Variants in MAPK10 observed in about 807,000 individuals in gnomAD.
The protein encoded by MAPK10 is mitogen-activated protein kinase 10.
In MAPK10, 25 loss-of-function variants were observed where a neutral mutation model predicts 59.3. That is an observed-to-expected ratio of 0.42 (90% CI 0.31 to 0.59). MAPK10 has a LOEUF of 0.59. MAPK10 is among the 20% of genes least tolerant of loss of function. MAPK10 has a pLI of 0.15. For missense variants in MAPK10, 351 were observed against 568.9 expected, an observed-to-expected ratio of 0.62 and a Z score of 3.90; for synonymous variants, 190 against 200.5, an observed-to-expected ratio of 0.95 and a Z score of 0.44.
chr4:86,503,529 C>G (rs1437931802), intron 1 of MAPK10, among the ~76,000 whole-genome samples: 1 of 152,044 alleles, frequency 6.6e-6, no homozygotes, highest in East Asian at 1.9e-4. Context: ...GTGCACACTC[C>G]TTAGTAACCT....
At chr4:86,532,956 TA>T (rs1757951768) in intron 1 of MAPK10, among the ~76,000 whole-genome samples, 1 of 152,180 alleles carries the variant, frequency 6.6e-6, no homozygotes, top group Admixed American at 6.5e-5. Flanking sequence ...CTACCTCTAC[TA>T]ATGACTTTGC....
intron 1 of MAPK10, among the ~76,000 whole-genome samples, chr4:86,421,902 T>A (rs968326974): frequency 6.6e-6 from 1 of 152,098 alleles, no homozygotes; most frequent in Non-Finnish European, 1.5e-5. Context: ...TTTGTTCCCA[T>A]CAGGTGCCAC....
chr4:86,410,211 T>G (rs1251308896), intron 1 of MAPK10, among the ~76,000 whole-genome samples: 1 of 152,252 alleles, frequency 6.6e-6, no homozygotes, highest in Non-Finnish European at 1.5e-5. Context: ...GTTTAGTGAT[T>G]TGCATTTGTT....
chr4:86,418,942 G>A (rs1353910874), intron 1 of MAPK10, among the ~76,000 whole-genome samples: 1 of 152,154 alleles, frequency 6.6e-6, no homozygotes, highest in Non-Finnish European at 1.5e-5. Flanking sequence ...ATATCATATG[G>A]GAGCTAAGCT....
chr4:86,544,881 C>CT (rs57179485), intron 1 of MAPK10, among the ~76,000 whole-genome samples: 1,635 of 139,080 alleles, frequency 0.012, 28 homozygotes, highest in African/African-American at 0.029. Flanking sequence ...AGGTTTTTTT[C>CT]TTTTTTTTTT....
intron 2 of MAPK10, among the ~76,000 whole-genome samples, chr4:86,253,385 C>T (rs182283146): frequency 1.7e-5 from 2 of 117,604 alleles, no homozygotes; most frequent in South Asian, 2.6e-4. Flanking sequence ...TAGCATGAAG[C>T]GTTGTTGAAT....
chr4:86,568,599 A>G lies in MAPK10; in HGVS notation c.-263+25311T>C, dbSNP rs12639958. Among the ~76,000 whole-genome samples the G allele has an allele frequency of 4.3e-4, 66 of 152,304 alleles. No individual in the cohort carries two copies. In the East Asian group the frequency reaches 0.011, roughly 26 times the overall value. On this transcript the variant is annotated intron_variant, in intron 1 of 4. Coordinates refer to the MAPK10 transcript ENST00000502302. Reference sequence around the variant, plus strand: ...GTGGTACTAGTATAAAAATGGACACACAGATCAATGAGACAGAATAGAGAA... The same window carrying G: ...GTGGTACTAGTATAAAAATGGACACGCAGATCAATGAGACAGAATAGAGAA...
intron 4 of MAPK10, among the ~76,000 whole-genome samples, chr4:86,128,282 A>G (rs553087490): frequency 2.6e-5 from 4 of 152,130 alleles, no homozygotes; most frequent in African/African-American, 7.2e-5. Flanking sequence ...AAGTATTACT[A>G]TTGATATGGT....
chr4:86,570,162 G>A (rs1324138570), intron 1 of MAPK10, among the ~76,000 whole-genome samples: 1 of 152,106 alleles, frequency 6.6e-6, no homozygotes, highest in East Asian at 1.9e-4. Flanking sequence ...ATTCAAAGAT[G>A]AATAAGACCC....
intron 9 of MAPK10, among the ~76,000 whole-genome samples, chr4:86,084,236 G>A (rs2051286332): frequency 6.6e-6 from 1 of 152,168 alleles, no homozygotes; most frequent in Non-Finnish European, 1.5e-5. Context: ...TGCCAAGCAG[G>A]CTCTTGAGTT....
intron 1 of MAPK10, among the ~76,000 whole-genome samples, chr4:86,590,617 T>G (rs1011490527): frequency 6.6e-6 from 1 of 152,026 alleles, no homozygotes; most frequent in Admixed American, 6.6e-5. Flanking sequence ...GACCCCTCTC[T>G]ACAAAACTTT....
At chr4:86,227,668 C>T (rs2148657343) in intron 2 of MAPK10, among the ~76,000 whole-genome samples, 1 of 152,184 alleles carries the variant, frequency 6.6e-6, no homozygotes, top group South Asian at 2.1e-4. Context: ...TGGCATTACT[C>T]ACACAGGGAC....
chr4:86,307,559 T>G (rs79779452), intron 2 of MAPK10, among the ~76,000 whole-genome samples: 1 of 152,078 alleles, frequency 6.6e-6, no homozygotes, highest in Non-Finnish European at 1.5e-5. Flanking sequence ...GACAGACATA[T>G]GCAGGCAAAT....
At chr4:86,061,950 T>C (rs1390662792) in intron 11 of MAPK10, among the ~76,000 whole-genome samples, 7 of 152,182 alleles carry the variant, frequency 4.6e-5, no homozygotes, top group Admixed American at 4.6e-4. Context: ...CATGTGTCCA[T>C]AGAGAAAGGT....
chr4:86,107,453 A>T, intron 4 of MAPK10, 101 bp from the exon 5 acceptor site: 2 of 1,480,540 alleles, frequency 1.4e-6, no homozygotes, highest in Non-Finnish European at 1.8e-6. Flanking sequence ...CTATTTCGGA[A>T]TCTTAGATAC....
intron 1 of MAPK10, among the ~76,000 whole-genome samples, chr4:86,446,535 T>TA (rs1011796263): frequency 5.9e-5 from 9 of 152,088 alleles, no homozygotes; most frequent in Admixed American, 4.6e-4. Flanking sequence ...ATTTTTATTT[T>TA]AAAAAAATGC....
chr4:86,202,677 G>A (rs966801587), intron 2 of MAPK10, among the ~76,000 whole-genome samples: 1 of 151,624 alleles, frequency 6.6e-6, no homozygotes, highest in Non-Finnish European at 1.5e-5. Context: ...CAGCAGTGAC[G>A]TTTCAGTTCT....
chr4:86,034,807 A>C (rs2039849735), intron 11 of MAPK10, among the ~76,000 whole-genome samples: 1 of 152,108 alleles, frequency 6.6e-6, no homozygotes, highest in Admixed American at 6.6e-5. Context: ...GATGTGTGGG[A>C]GGTTGTCAAG....
At chr4:86,367,187 G>A (rs1379139430) in intron 1 of MAPK10, among the ~76,000 whole-genome samples, 1 of 152,102 alleles carries the variant, frequency 6.6e-6, no homozygotes, top group Non-Finnish European at 1.5e-5. Flanking sequence ...GGATGGAAAG[G>A]GTTTGATAAA....
Sources: allele counts gnomAD v4.1 joint callset (sites outside exome capture counted in the v4.1 genomes callset), GRCh38; gene constraint gnomAD v4.1.1; transcripts MANE v1.5; gene names NCBI Gene and HGNC (gene_info 2026-07-23, HGNC 2026-07-21).